Variants in ZRANB3 observed in about 807,000 individuals in gnomAD.
The protein encoded by ZRANB3 is DNA annealing helicase and endonuclease ZRANB3.
In ZRANB3, 125 loss-of-function variants were observed where a neutral mutation model predicts 133.8. The ratio of observed to expected loss-of-function variants is 0.93; its 90% CI spans 0.81 to 1.08. The LOEUF (loss-of-function observed/expected upper bound fraction) is 1.08. Among genes scored for constraint, ZRANB3 ranks in the 50% least tolerant of loss-of-function variants. The probability of loss-of-function intolerance (pLI) is 0.00; values close to 1 mark genes in which losing one functional copy is unlikely to be tolerated. For missense variants in ZRANB3, 1,229 were observed against 1,275.5 expected (o/e 0.96, Z 0.56); for synonymous variants, 387 against 432.7 (o/e 0.89, Z 1.31).
At chr2:135,207,224 T>C (rs1693906964) in intron 19 of ZRANB3, among the ~76,000 whole-genome samples, 1 of 151,100 alleles carries the variant, frequency 6.6e-6, no homozygotes. Flanking sequence ...TAAAATATTC[T>C]AGGAGAAACA....
chr2:135,511,317 T>C (rs891041152), intron 1 of ZRANB3: 3 of 887,484 alleles, frequency 3.4e-6, no homozygotes, highest in African/African-American at 3.3e-5. Context: ...CTCTTGGATT[T>C]CAGATACACA....
rs545795087 is a variant in ZRANB3, at chr2:135,488,890, ATC to A, written c.161+15437_161+15438del. Among the ~76,000 whole-genome samples the A allele has an allele frequency of 2.4e-3, 357 of 150,610 alleles. 1 individual carries two copies. Among genetic ancestry groups the A allele is most frequent in the African/African-American group, 8.0e-3 (319 of 40,108 alleles). On this transcript the variant is annotated intron_variant, in intron 2 of 20. Coordinates refer to ENST00000264159, the MANE Select transcript of ZRANB3 (RefSeq NM_032143.4). ...TTTATTATACTATATAGCATACTAT[ATC>A]TGATTATACTATATAGCATAATAAA...
intron 12 of ZRANB3, 132 bp downstream of exon 12, chr2:135,265,402 G>A: frequency 9.7e-7 from 1 of 1,025,878 alleles, no homozygotes; most frequent in Non-Finnish European, 1.3e-6. Flanking sequence ...GCTCTAAGAG[G>A]GTTTCCAGCT....
At chr2:135,330,635 C>G (rs1573922926) in intron 6 of ZRANB3, among the ~76,000 whole-genome samples, 1 of 152,236 alleles carries the variant, frequency 6.6e-6, no homozygotes, top group South Asian at 2.1e-4. Flanking sequence ...ATGGCACGAG[C>G]TCCTCTTTGT....
At chr2:135,372,525 C>T (rs1004733590) in intron 3 of ZRANB3, among the ~76,000 whole-genome samples, 10 of 151,990 alleles carry the variant, frequency 6.6e-5, no homozygotes, top group South Asian at 2.1e-4. Context: ...TGGCCAGGCG[C>T]GGTGGCTCAT....
rs111735300 is a variant in ZRANB3 at position 135,367,126 on chromosome 2, A to G, written c.181-13498T>C. On this transcript the variant is annotated intron_variant, in intron 3 of 20. Transcript: ENST00000264159. ...GCTTTGTAAAAATGGCCGTGCAAATATGTGCTAATTACCTTGATATTTGCA... is the reference window on the plus strand; with the variant it reads ...GCTTTGTAAAAATGGCCGTGCAAATGTGTGCTAATTACCTTGATATTTGCA... 3.0e-3 allele frequency among the ~76,000 whole-genome samples: 453 copies of G among 152,336 alleles called. 3 individuals carry two copies. The highest frequency in any genetic ancestry group is 0.01 in the African/African-American group (422 of 41,576).
At chr2:135,473,607 G>T (rs1404585363) in intron 2 of ZRANB3, among the ~76,000 whole-genome samples, 1 of 151,882 alleles carries the variant, frequency 6.6e-6, no homozygotes, top group Non-Finnish European at 1.5e-5. Context: ...TTTAAAATGT[G>T]TTTTCATAAT....
intron 12 of ZRANB3, among the ~76,000 whole-genome samples, chr2:135,260,365 T>C (rs1286100222): frequency 6.6e-6 from 1 of 152,172 alleles, no homozygotes; most frequent in Non-Finnish European, 1.5e-5. Flanking sequence ...GACAGCCAAC[T>C]GGGCTGTGCA....
At chr2:135,516,077 C>A (rs1007765157) in intron 1 of ZRANB3, among the ~76,000 whole-genome samples, 6 of 151,998 alleles carry the variant, frequency 3.9e-5, no homozygotes, top group Non-Finnish European at 8.8e-5. Flanking sequence ...GTCTGTTTTA[C>A]CAGACACTAG....
intron 4 of ZRANB3, among the ~76,000 whole-genome samples, chr2:135,351,305 T>C (rs1240626860): frequency 2.0e-5 from 3 of 150,154 alleles, no homozygotes; most frequent in Non-Finnish European, 3.0e-5. Flanking sequence ...TCTCGCTCTG[T>C]TGCCCAGGCT....
chr2:135,482,035 GA>G (rs1252783314), intron 2 of ZRANB3, among the ~76,000 whole-genome samples: 1 of 137,088 alleles, frequency 7.3e-6, no homozygotes, highest in Non-Finnish European at 1.5e-5. Context: ...AGTATAGTTT[GA>G]AGTCAGGTCG....
At chr2:135,284,413 C>A (rs911891100) in intron 8 of ZRANB3, among the ~76,000 whole-genome samples, 9 of 152,218 alleles carry the variant, frequency 5.9e-5, no homozygotes, top group Non-Finnish European at 1.3e-4. Context: ...CAAACCACCC[C>A]TTGCCCAAAG....
intron 8 of ZRANB3, among the ~76,000 whole-genome samples, chr2:135,306,449 G>A (rs777993646): frequency 4.0e-4 from 60 of 150,098 alleles, no homozygotes; most frequent in South Asian, 2.1e-4. Flanking sequence ...CACCACGCCC[G>A]GCTAATTTTT....
At chr2:135,236,919 C>G (rs1695313449) in intron 12 of ZRANB3, among the ~76,000 whole-genome samples, 1 of 152,128 alleles carries the variant, frequency 6.6e-6, no homozygotes, top group African/African-American at 2.4e-5. Flanking sequence ...GTAATGGCAA[C>G]AAAAGCCAAA....
At chr2:135,407,476 A>C (rs1356456818) in intron 2 of ZRANB3, among the ~76,000 whole-genome samples, 61 of 149,586 alleles carry the variant, frequency 4.1e-4, no homozygotes, top group African/African-American at 1.4e-3. Flanking sequence ...AAACTACTTT[A>C]AAGTTCATAT....
At chr2:135,394,347 G>T (rs1179017134) in intron 2 of ZRANB3, among the ~76,000 whole-genome samples, 2 of 152,124 alleles carry the variant, frequency 1.3e-5, no homozygotes, top group African/African-American at 4.8e-5. Context: ...AAAAGGAAAA[G>T]GGAATCTGGT....
intron 2 of ZRANB3, among the ~76,000 whole-genome samples, chr2:135,431,773 T>C (rs1689336465): frequency 6.6e-6 from 1 of 152,262 alleles, no homozygotes; most frequent in Non-Finnish European, 1.5e-5. Flanking sequence ...ATATACCTAC[T>C]AGAATGTCTA....
chr2:135,369,846 A>T (rs1686092809), intron 3 of ZRANB3, among the ~76,000 whole-genome samples: 1 of 152,104 alleles, frequency 6.6e-6, no homozygotes, highest in Non-Finnish European at 1.5e-5. Flanking sequence ...ACCCACTTCC[A>T]ATCTACCTCC....
intron 2 of ZRANB3, among the ~76,000 whole-genome samples, chr2:135,420,142 T>C (rs1327651502): frequency 1.4e-5 from 2 of 142,316 alleles, no homozygotes; most frequent in Non-Finnish European, 3.1e-5. Flanking sequence ...AGAGGATATT[T>C]CTAGAAGGCT....
Sources: gnomAD v4.1 joint callset for allele counts (sites outside exome capture counted in the v4.1 genomes callset) on GRCh38, gnomAD v4.1.1 for gene constraint, MANE v1.5 for transcripts, NCBI Gene and HGNC (gene_info 2026-07-23, HGNC 2026-07-21) for gene names.